Variants in CD9 observed in about 807,000 individuals in gnomAD.
CD9 encodes the protein CD9 antigen.
Under a neutral mutation model 31.4 loss-of-function variants are expected in CD9, and 10 were observed. The observed-to-expected ratio is 0.32, with a 90% CI of 0.20 to 0.54. The LOEUF (loss-of-function observed/expected upper bound fraction) is 0.54. Among genes scored for constraint, CD9 ranks in the 20% least tolerant of loss-of-function variants. The pLI is 0.94. For synonymous variants in CD9, 113 were observed against 114.1 expected, an observed-to-expected ratio of 0.99 and a Z score of 0.06; for missense variants, 259 against 300.1, an observed-to-expected ratio of 0.86 and a Z score of 1.01.
rs1031422224 is a variant in CD9 at position 6,235,840 on chromosome 12, G to A, written c.537+275G>A. 8 of 1,372,724 alleles carry A rather than the reference G, an allele frequency of 5.8e-6. No homozygotes were observed. In the African/African-American group the frequency reaches 1.2e-4, roughly 20 times the overall value. The allele number at this position is 1,372,724 out of a possible 1,614,324, so 85.0% of individuals were successfully genotyped here. A position where few individuals can be genotyped will look rare whatever the true frequency, so the allele number is the denominator to read the frequency against. On this transcript the variant is annotated intron_variant, in intron 6 of 7. Coordinates refer to ENST00000009180, the MANE Select transcript of CD9 (RefSeq NM_001769.4). ...AAGGGCAGGCGTGCTTCTGAGTCTT[G>A]GACTCCCACTCTGACTTTGTCAGTG...
rs552660544 is a variant in CD9 at position 6,235,714 on chromosome 12, C to G, written c.537+149C>G. 30 of 1,430,316 alleles carry G rather than the reference C, an allele frequency of 2.1e-5. No individual in the cohort carries two copies. The African/African-American group carries it at 2.9e-4, about 14-fold the overall frequency. The allele number at this position is 1,430,316 out of a possible 1,614,324, so 88.6% of individuals were successfully genotyped here. A position where few individuals can be genotyped will look rare whatever the true frequency, so the allele number is the denominator to read the frequency against. ...AGGGCACCCATCTCTTTCTCTCCCA[C>G]TTTGGGCCCTCTGTTTACTCAAGGG... On this transcript the variant is annotated intron_variant, in intron 6 of 7. Transcript: ENST00000009180.
chr12:6,214,388 C>G lies in CD9; in HGVS notation c.67-11038C>G, dbSNP rs567756609. On this transcript the variant is annotated intron_variant, in intron 1 of 7. Transcript: ENST00000009180. ...TTTTTTGAGATGGGGTCTCTGTCACCCAGGCTGGAGTGCAGTGGCGCAGTG... is the reference window on the plus strand; with the variant it reads ...TTTTTTGAGATGGGGTCTCTGTCACGCAGGCTGGAGTGCAGTGGCGCAGTG... Among the ~76,000 whole-genome samples the G allele has an allele frequency of 5.4e-4, 67 of 123,010 alleles. 1 individual carries two copies. Among genetic ancestry groups the G allele is most frequent in the Non-Finnish European group, 9.0e-4 (56 of 62,294 alleles). The allele number at this position is 123,010 out of a possible 152,430, so 80.7% of individuals were successfully genotyped here.
At chr12:6,235,425 G>A (rs773748909) in intron 5 of CD9, 51 bp from the exon 6 acceptor site, 18 of 1,613,390 alleles carry the variant, frequency 1.1e-5, no homozygotes, top group Non-Finnish European at 1.4e-5. Context: ...CATTCTAATC[G>A]TCTTCTTACA....
chr12:6,213,149 T>C lies in CD9; in HGVS notation c.67-12277T>C, dbSNP rs11568213. On this transcript the variant is annotated intron_variant, in intron 1 of 7. Transcript: ENST00000009180. ...ATGGGCCTGGCTCACAGGCAGAGCT[T>C]CTGTGTTAGCTTCTGCTGCTGTTGC... Among the ~76,000 whole-genome samples the C allele has an allele frequency of 9.0e-3, 1,364 of 152,328 alleles. 22 individuals are homozygous for C. Among genetic ancestry groups the C allele is most frequent in the African/African-American group, 0.03 (1,261 of 41,560 alleles).
At position 6,217,461 on chromosome 12, in the gene CD9, G is replaced by A. The variant is rs11568220; in HGVS notation, c.67-7965G>A. On this transcript the variant is annotated intron_variant, in intron 1 of 7. Coordinates refer to ENST00000009180, the MANE Select transcript of CD9 (RefSeq NM_001769.4). Reference sequence around the variant, plus strand: ...TAGGAGGATCGCTTGAGCCCGGGAAGCAGAGGTTGCAGTGAGCCAAGATTG... The same window carrying A: ...TAGGAGGATCGCTTGAGCCCGGGAAACAGAGGTTGCAGTGAGCCAAGATTG... Among the ~76,000 whole-genome samples, 830 of 152,318 alleles carry A rather than the reference G, an allele frequency of 5.4e-3. 7 individuals carry two copies. Among genetic ancestry groups the A allele is most frequent in the African/African-American group, 0.018 (760 of 41,554 alleles).
At chr12:6,215,626 G>C (rs1946236035) in intron 1 of CD9, among the ~76,000 whole-genome samples, 1 of 152,190 alleles carries the variant, frequency 6.6e-6, no homozygotes, top group Non-Finnish European at 1.5e-5. Flanking sequence ...TGGCTCGGTA[G>C]AAGTCCCAAG....
chr12:6,235,906 T>C (rs984955710), intron 6 of CD9: 122 of 1,376,660 alleles, frequency 8.9e-5, no homozygotes, highest in Non-Finnish European at 1.1e-4. Context: ...AACTCCAGAA[T>C]AGTAAAAGGT....
Position 6,200,578 on chromosome 12 carries a change from G to C in CD9, c.66+13G>C. On this transcript the variant is annotated intron_variant, in intron 1 of 7. Coordinates refer to ENST00000009180, the MANE Select transcript of CD9 (RefSeq NM_001769.4). ...CTTCATCTTCTGGGTGAGTGAGCGC[G>C]ACTGCCGCGCGCTCCTCTCAGGGCC... 3.8e-6 allele frequency: 6 copies of C among 1,592,254 alleles called. No homozygotes were observed. Among genetic ancestry groups the C allele is most frequent in the Non-Finnish European group, 5.2e-6 (6 of 1,161,534 alleles).
At chr12:6,228,131 A>T (rs1256504081) in intron 2 of CD9, among the ~76,000 whole-genome samples, 1 of 152,184 alleles carries the variant, frequency 6.6e-6, no homozygotes, top group East Asian at 1.9e-4. Context: ...GGAAATACAG[A>T]TCCTTTGCAG....
chr12:6,220,718 T>C (rs1946284419), intron 1 of CD9, among the ~76,000 whole-genome samples: 1 of 152,210 alleles, frequency 6.6e-6, no homozygotes, highest in Non-Finnish European at 1.5e-5. Context: ...TTATTATTGT[T>C]TTATACACTT....
chr12:6,223,692 T>C (rs1437694312), intron 1 of CD9, among the ~76,000 whole-genome samples: 3 of 152,002 alleles, frequency 2.0e-5, no homozygotes, highest in African/African-American at 7.2e-5. Flanking sequence ...ACATAACTCT[T>C]CTAGCCCAGC....
intron 2 of CD9, among the ~76,000 whole-genome samples, chr12:6,231,184 A>G (rs1946442424): frequency 6.6e-6 from 1 of 152,232 alleles, no homozygotes. Context: ...GTAGGGATAC[A>G]GCAGCAGGTT....
chr12:6,232,600 C>G lies in CD9; in HGVS notation c.176-32C>G, dbSNP rs750602405. On this transcript the variant is annotated intron_variant, in intron 2 of 7. Transcript: ENST00000009180. The surrounding 1 kb of genome is among the most constrained non-coding windows in gnomAD (Gnocchi z 4.8). ...GCCTGGGCCTCTGAACTGATGTCTC[C>G]ACGCGTGTGTGCTTCCTCTGTCCTC... 9.3e-6 allele frequency: 13 copies of G among 1,390,444 alleles called. No homozygotes were observed. Among genetic ancestry groups the G allele is most frequent in the Non-Finnish European group, 1.3e-5 (13 of 1,004,998 alleles). 86.1% of individuals were successfully genotyped at this position (1,390,444 alleles called of 1,614,324 possible). A position where few individuals can be genotyped will look rare whatever the true frequency, so the allele number is the denominator to read the frequency against.
Position 6,214,344 on chromosome 12 carries a change from C to CTTTTTTTTTT in CD9, c.67-11067_67-11058dup, listed in dbSNP as rs71450123. On this transcript the variant is annotated intron_variant, in intron 1 of 7. Coordinates refer to ENST00000009180, the MANE Select transcript of CD9 (RefSeq NM_001769.4). ...CAACCTGCAACTTGACCATTAGCCT[C>CTTTTTTTTTT]TTTTTTTTTTTTTTTTTTTTTTTTG... 6.4e-4 allele frequency among the ~76,000 whole-genome samples: 43 copies of CTTTTTTTTTT among 67,074 alleles called. 3 individuals carry two copies. Among genetic ancestry groups the CTTTTTTTTTT allele is most frequent in the East Asian group, 9.9e-4 (2 of 2,028 alleles). The allele number at this position is 67,074 out of a possible 152,430, so 44.0% of individuals were successfully genotyped here. A position where few individuals can be genotyped will look rare whatever the true frequency, so the allele number is the denominator to read the frequency against.
chr12:6,231,139 A>G (rs1946441622), intron 2 of CD9, among the ~76,000 whole-genome samples: 2 of 152,218 alleles, frequency 1.3e-5, no homozygotes, highest in African/African-American at 2.4e-5. Context: ...CAGCCCCTAC[A>G]TCAAGGATAT....
chr12:6,222,261 C>A (rs578028255), intron 1 of CD9, among the ~76,000 whole-genome samples: 55 of 152,292 alleles, frequency 3.6e-4, no homozygotes, highest in South Asian at 2.9e-3. Context: ...GCATCCCCCC[C>A]GGCCGGTGAA....
At chr12:6,231,278 A>AT (rs1214803712) in intron 2 of CD9, among the ~76,000 whole-genome samples, 1 of 152,214 alleles carries the variant, frequency 6.6e-6, no homozygotes, top group Non-Finnish European at 1.5e-5. Flanking sequence ...TGTTGTGCAC[A>AT]TGTGGATTAT....
chr12:6,204,310 G>T (rs915349243), intron 1 of CD9, among the ~76,000 whole-genome samples: 1 of 152,156 alleles, frequency 6.6e-6, no homozygotes, highest in Non-Finnish European at 1.5e-5. Context: ...TACTATGTTG[G>T]TGATGGTCAC....
At position 6,236,266 on chromosome 12, in the gene CD9, C is replaced by T. The variant is rs773478727; in HGVS notation, c.612C>T (p.Ala204=). 6.8e-6 allele frequency: 11 copies of T among 1,614,026 alleles called. No homozygotes were observed. The highest frequency in any genetic ancestry group is 4.5e-5 in the East Asian group (2 of 44,892). ...TCGGCGCAGTGGGCATCGGCATTGC[C>T]GTGGTCATGGTGAGTGGCAGGACGT... The part of the protein sequence containing the change: ...HIIGAVGIGI[A]VVMIFGMIFS... Residue 204 remains alanine, a synonymous_variant, in exon 7 of 8, where the codon GCC becomes GCT. Coordinates refer to ENST00000009180, the MANE Select transcript of CD9 (RefSeq NM_001769.4).
Sources: allele counts gnomAD v4.1 joint callset (sites outside exome capture counted in the v4.1 genomes callset), GRCh38; gene constraint gnomAD v4.1.1; non-coding constraint Gnocchi (gnomAD v3.1); transcripts MANE v1.5; gene names NCBI Gene and HGNC (gene_info 2026-07-23, HGNC 2026-07-21).